ZNF365: variants seen among roughly 807,000 people sequenced by gnomAD.
The protein encoded by ZNF365 is zinc finger protein 365.
Under a neutral mutation model 35.0 loss-of-function variants are expected in ZNF365, and 22 were observed. The ratio of observed to expected loss-of-function variants is 0.63; its 90% CI spans 0.45 to 0.90. The LOEUF is 0.90. ZNF365 is among the 40% of genes least tolerant of loss of function. The pLI is 0.00. For synonymous variants in ZNF365, 188 were observed against 196.2 expected (o/e 0.96, Z 0.35); for missense variants, 448 against 500.3 (o/e 0.90, Z 1.00).
chr10:62,384,066 T>C (rs1207802457), intron 2 of ZNF365, among the ~76,000 whole-genome samples: 1 of 152,154 alleles, frequency 6.6e-6, no homozygotes, highest in African/African-American at 2.4e-5. Context: ...TAAGCATGTT[T>C]TCTACTGAAG....
intron 3 of ZNF365, among the ~76,000 whole-genome samples, chr10:62,453,231 C>G (rs950049076): frequency 1.3e-5 from 2 of 152,130 alleles, no homozygotes; most frequent in African/African-American, 4.8e-5. Flanking sequence ...TATCCATCAC[C>G]AAATAACGCA....
chr10:62,442,364 C>G (rs1200874152), intron 3 of ZNF365, among the ~76,000 whole-genome samples: 1 of 152,148 alleles, frequency 6.6e-6, no homozygotes, highest in Non-Finnish European at 1.5e-5. Context: ...AGTGTAAATT[C>G]CATACATTGA....
At chr10:62,471,973 A>G (rs1776956381) in intron 4 of ZNF365, among the ~76,000 whole-genome samples, 1 of 152,222 alleles carries the variant, frequency 6.6e-6, no homozygotes, top group African/African-American at 2.4e-5. Context: ...ATAAGAATGG[A>G]AATTGCCTGT....
chr10:62,389,954 C>T (rs1839599052), intron 3 of ZNF365, among the ~76,000 whole-genome samples: 1 of 152,108 alleles, frequency 6.6e-6, no homozygotes, highest in Non-Finnish European at 1.5e-5. Context: ...GATCCCTCTC[C>T]ATCTCCTCCT....
chr10:62,417,723 A>G (rs1009736331), intron 3 of ZNF365, among the ~76,000 whole-genome samples: 2 of 151,934 alleles, frequency 1.3e-5, no homozygotes, highest in African/African-American at 4.8e-5. Context: ...ACATTCCAGG[A>G]ATCACCTAGA....
intron 4 of ZNF365, among the ~76,000 whole-genome samples, chr10:62,468,305 G>A (rs982188105): frequency 6.6e-6 from 1 of 152,130 alleles, no homozygotes; most frequent in Non-Finnish European, 1.5e-5. Flanking sequence ...ATATATGTAT[G>A]TATGTATTAT....
At chr10:62,413,991 T>C (rs1489203455) in intron 3 of ZNF365, among the ~76,000 whole-genome samples, 2 of 152,314 alleles carry the variant, frequency 1.3e-5, no homozygotes, top group South Asian at 2.1e-4. Flanking sequence ...GCAGTCCTCA[T>C]AGATTCAGGA....
intron 3 of ZNF365, among the ~76,000 whole-genome samples, chr10:62,448,504 G>A (rs1840627349): frequency 6.6e-6 from 1 of 152,158 alleles, no homozygotes; most frequent in Non-Finnish European, 1.5e-5. Flanking sequence ...TATTCAGTTT[G>A]TTAAATGCGC....
At chr10:62,390,497 G>T (rs995520354) in intron 3 of ZNF365, among the ~76,000 whole-genome samples, 1 of 152,132 alleles carries the variant, frequency 6.6e-6, no homozygotes, top group Non-Finnish European at 1.5e-5. Context: ...TGGCTTGAAA[G>T]TTGAACATTT....
chr10:62,376,214 G>A lies in ZNF365; in HGVS notation c.21G>A (p.Glu7=). ...GAGTAATGCAACAGAAGGCTTTTGA[G>A]GAAAGCAGATATCCCTGGCAGGAGT... The part of the protein sequence containing the change: MQQKAF[E]ESRYPWQESF... Residue 7 remains glutamate (E), a synonymous_variant, in exon 2 of 5, where the codon GAG becomes GAA. Transcript: ENST00000395254. 1 of 1,614,102 alleles carries A rather than the reference G, an allele frequency of 6.2e-7. No individual in the cohort carries two copies. The highest frequency in any genetic ancestry group is 8.5e-7 in the Non-Finnish European group (1 of 1,180,014).
intron 3 of ZNF365, among the ~76,000 whole-genome samples, chr10:62,414,691 G>A (rs142665725): frequency 9.2e-5 from 14 of 152,256 alleles, no homozygotes; most frequent in Non-Finnish European, 1.3e-4. Context: ...GCTTTCAGCC[G>A]TTTTATTATG....
intron 3 of ZNF365, chr10:62,459,716 G>A: frequency 6.3e-7 from 1 of 1,598,778 alleles, no homozygotes; most frequent in Non-Finnish European, 8.5e-7. Flanking sequence ...CATTCATGAT[G>A]GCAGTACCCT....
intron 3 of ZNF365, among the ~76,000 whole-genome samples, chr10:62,438,676 T>A (rs1489826138): frequency 1.3e-5 from 2 of 152,154 alleles, no homozygotes; most frequent in African/African-American, 4.8e-5. Context: ...CCTTTGCTAT[T>A]CTCTTATGTA....
At chr10:62,432,537 A>T (rs1282194019) in intron 3 of ZNF365, among the ~76,000 whole-genome samples, 1 of 152,214 alleles carries the variant, frequency 6.6e-6, no homozygotes, top group Non-Finnish European at 1.5e-5. Context: ...CCTAGCACAG[A>T]TGGATTGACC....
intron 3 of ZNF365, among the ~76,000 whole-genome samples, chr10:62,450,941 C>G (rs1392914887): frequency 6.6e-6 from 1 of 152,186 alleles, no homozygotes; most frequent in African/African-American, 2.4e-5. Flanking sequence ...CAAGAGTTAT[C>G]TTTTCTGAAA....
At chr10:62,454,801 C>T (rs1840736878) in intron 3 of ZNF365, among the ~76,000 whole-genome samples, 1 of 152,180 alleles carries the variant, frequency 6.6e-6, no homozygotes. Flanking sequence ...GCCACACCCT[C>T]AAGGAGCGCA....
At chr10:62,459,898 T>A in intron 4 of ZNF365, 2 of 1,024,602 alleles carry the variant, frequency 2.0e-6, no homozygotes, top group Non-Finnish European at 2.9e-6. Flanking sequence ...AGCAGGCCAT[T>A]GGTTTCTGTA....
chr10:62,440,349 C>A (rs544519806), intron 3 of ZNF365, among the ~76,000 whole-genome samples: 1 of 150,614 alleles, frequency 6.6e-6, no homozygotes, highest in Admixed American at 6.7e-5. Context: ...CTTTATCACC[C>A]AGGTATTAAG....
intron 2 of ZNF365, among the ~76,000 whole-genome samples, chr10:62,382,928 T>G (rs1245055728): frequency 6.6e-6 from 1 of 152,176 alleles, no homozygotes; most frequent in Non-Finnish European, 1.5e-5. Flanking sequence ...GAAATTTAAA[T>G]AAGTTGGTAG....
Sources: gnomAD v4.1 joint callset for allele counts (sites outside exome capture counted in the v4.1 genomes callset) on GRCh38, gnomAD v4.1.1 for gene constraint, MANE v1.5 for transcripts, NCBI Gene and HGNC (gene_info 2026-07-23, HGNC 2026-07-21) for gene names.